The following KAZN variants were observed in gnomAD, a reference collection of about 807,000 sequenced individuals.
KAZN encodes the protein kazrin, periplakin interacting protein, also known as kazrin.
Under a neutral mutation model 87.4 loss-of-function variants are expected in KAZN, and 40 were observed. The ratio of observed to expected loss-of-function variants is 0.46; its 90% CI spans 0.36 to 0.60. The LOEUF (loss-of-function observed/expected upper bound fraction) is 0.60, where lower values mean the gene tolerates loss of function less well. KAZN is among the 20% of genes least tolerant of loss of function. The pLI, the probability that KAZN is intolerant of heterozygous loss-of-function variation, is 0.00. For missense variants in KAZN, 898 were observed against 1,073.9 expected, an observed-to-expected ratio of 0.84 and a Z score of 2.29; for synonymous variants, 466 against 458.3, an observed-to-expected ratio of 1.02 and a Z score of -0.22.
At chr1:14,629,564 G>A (rs1057192927) in intron 1 of KAZN, among the ~76,000 whole-genome samples, 1 of 152,154 alleles carries the variant, frequency 6.6e-6, no homozygotes, top group Non-Finnish European at 1.5e-5. Flanking sequence ...TGCTCCCTCC[G>A]GTTTCCTCTG....
intron 2 of KAZN, among the ~76,000 whole-genome samples, chr1:14,243,945 A>C (rs1303035372): frequency 6.6e-6 from 1 of 152,230 alleles, no homozygotes; most frequent in African/African-American, 2.4e-5. Flanking sequence ...TGGGGGAGCC[A>C]AGGAAAACCA....
At chr1:14,470,212 C>T (rs1407682321) in intron 2 of KAZN, among the ~76,000 whole-genome samples, 2 of 152,132 alleles carry the variant, frequency 1.3e-5, no homozygotes, top group Non-Finnish European at 2.9e-5. Context: ...TTATGAAAAA[C>T]AGGAAATATA....
At chr1:14,150,957 C>T (rs541373050) in intron 1 of KAZN, among the ~76,000 whole-genome samples, 123 of 148,270 alleles carry the variant, frequency 8.3e-4, no homozygotes, top group Non-Finnish European at 1.3e-3. Flanking sequence ...ACCCTGCTAA[C>T]ATTGTCATAC....
intron 4 of KAZN, among the ~76,000 whole-genome samples, chr1:15,053,205 G>T (rs1340606476): frequency 1.3e-5 from 2 of 152,220 alleles, no homozygotes. Flanking sequence ...GAGTGTAGCA[G>T]TGTGGAGGGC....
chr1:14,515,665 C>T (rs1318620074), intron 2 of KAZN, among the ~76,000 whole-genome samples: 2 of 152,138 alleles, frequency 1.3e-5, no homozygotes, highest in African/African-American at 4.8e-5. Context: ...CCCTGGAGCC[C>T]TTGTCCCCAT....
At chr1:14,252,657 A>G (rs947377349) in intron 2 of KAZN, among the ~76,000 whole-genome samples, 3 of 152,162 alleles carry the variant, frequency 2.0e-5, no homozygotes, top group African/African-American at 7.2e-5. Flanking sequence ...TCTTAGGAGG[A>G]TTCAAATGCT....
intron 10 of KAZN, among the ~76,000 whole-genome samples, chr1:15,098,882 G>A (rs1378217331): frequency 1.3e-5 from 2 of 152,222 alleles, no homozygotes; most frequent in African/African-American, 4.8e-5. Flanking sequence ...AGCCTGAAGG[G>A]GCCCTGGACA....
At chr1:13,930,514 C>A (rs1187703722) in intron 1 of KAZN, among the ~76,000 whole-genome samples, 2 of 152,182 alleles carry the variant, frequency 1.3e-5, no homozygotes, top group Admixed American at 6.5e-5. Context: ...TTTTCCCTTT[C>A]TCTTGTCTCC....
intron 2 of KAZN, among the ~76,000 whole-genome samples, chr1:14,245,767 C>T (rs529141009): frequency 1.3e-5 from 2 of 152,214 alleles, no homozygotes; most frequent in Non-Finnish European, 2.9e-5. Context: ...TTATTCATTG[C>T]TAAGTTGATA....
chr1:13,984,691 G>C (rs931095040), intron 1 of KAZN, among the ~76,000 whole-genome samples: 1 of 152,180 alleles, frequency 6.6e-6, no homozygotes, highest in Non-Finnish European at 1.5e-5. Flanking sequence ...GGACATACTA[G>C]GTAGAGACTG....
intron 2 of KAZN, among the ~76,000 whole-genome samples, chr1:14,394,125 A>C (rs529359981): frequency 1.3e-4 from 20 of 152,278 alleles, no homozygotes; most frequent in Middle Eastern, 3.4e-3. Flanking sequence ...GGACCCCCCC[A>C]CACACATGCC....
chr1:14,729,938 A>T (rs1643599340), intron 1 of KAZN, among the ~76,000 whole-genome samples: 1 of 152,166 alleles, frequency 6.6e-6, no homozygotes, highest in Admixed American at 6.5e-5. Flanking sequence ...ATAAAGCTTT[A>T]TTGGAACACA....
intron 2 of KAZN, among the ~76,000 whole-genome samples, chr1:14,251,643 CTTTT>C (rs549092023): frequency 5.3e-4 from 48 of 90,342 alleles, no homozygotes; most frequent in African/African-American, 1.9e-3. Flanking sequence ...TTCTCCCGGA[CTTTT>C]TTTTTTTTTT....
chr1:14,921,153 AAC>A lies in KAZN; in HGVS notation c.227-39497_227-39496del, dbSNP rs55766387. Among the ~76,000 whole-genome samples, 526 of 144,424 alleles carry A rather than the reference AAC, an allele frequency of 3.6e-3. 4 individuals carry two copies. The highest frequency in any genetic ancestry group is 0.011 in the Middle Eastern group (3 of 282). The allele number at this position is 144,424 out of a possible 152,430, so 94.7% of individuals were successfully genotyped here. ...TCTGCAGTCCTGGGCCTGAGCATGCAACACACACACACACACACACACACACA... is the reference window on the plus strand; with the variant it reads ...TCTGCAGTCCTGGGCCTGAGCATGCAACACACACACACACACACACACACA... On this transcript the variant is annotated intron_variant, in intron 1 of 14. Transcript: ENST00000376030.
At chr1:14,683,539 G>T (rs893691949) in intron 1 of KAZN, among the ~76,000 whole-genome samples, 3 of 152,158 alleles carry the variant, frequency 2.0e-5, no homozygotes, top group African/African-American at 7.2e-5. Context: ...CTGTGACATG[G>T]TGTTGACACA....
At chr1:14,481,730 G>A (rs1218752024) in intron 2 of KAZN, among the ~76,000 whole-genome samples, 3 of 152,134 alleles carry the variant, frequency 2.0e-5, no homozygotes, top group African/African-American at 7.2e-5. Flanking sequence ...TATACACAGG[G>A]CAACTAGAAA....
chr1:14,114,969 T>C (rs1362313125), intron 1 of KAZN, among the ~76,000 whole-genome samples: 1 of 152,210 alleles, frequency 6.6e-6, no homozygotes, highest in African/African-American at 2.4e-5. Context: ...CCCAGGTCTA[T>C]TGTGTACAAA....
chr1:14,369,011 G>C (rs978359684), intron 2 of KAZN, among the ~76,000 whole-genome samples: 11 of 152,160 alleles, frequency 7.2e-5, no homozygotes, highest in Non-Finnish European at 1.5e-4. Flanking sequence ...GTGGCTAATA[G>C]GGAGCGCTGG....
At chr1:14,719,266 A>G (rs934671974) in intron 1 of KAZN, among the ~76,000 whole-genome samples, 2 of 152,230 alleles carry the variant, frequency 1.3e-5, no homozygotes, top group African/African-American at 4.8e-5. Flanking sequence ...TCATGACCAT[A>G]GTCAACACAT....
Sources: gnomAD v4.1 joint callset for allele counts (sites outside exome capture counted in the v4.1 genomes callset) on GRCh38, gnomAD v4.1.1 for gene constraint, MANE v1.5 for transcripts, NCBI Gene and HGNC (gene_info 2026-07-23, HGNC 2026-07-21) for gene names.